The following NFIB variants were observed in gnomAD, a reference collection of about 807,000 sequenced individuals.
NFIB encodes nuclear factor 1 B-type.
Under a neutral mutation model 61.5 loss-of-function variants are expected in NFIB, and 11 were observed. The ratio of observed to expected loss-of-function variants is 0.18; its 90% confidence interval spans 0.11 to 0.30. The LOEUF is 0.30. Ranked by LOEUF, NFIB falls within the 10% of genes least tolerant of loss-of-function variation. NFIB has a pLI of 1.00. For missense variants in NFIB, 471 were observed against 608.9 expected (o/e 0.77, Z 2.38); for synonymous variants, 260 against 216.5 (o/e 1.20, Z -1.76).
At chr9:14,398,438 C>T in intron 1 of NFIB, 4 of 998,444 alleles carry the variant, frequency 4.0e-6, no homozygotes, top group South Asian at 1.7e-5. Flanking sequence ...GCCATATTTT[C>T]TGAACCCCAC....
intron 2 of NFIB, among the ~76,000 whole-genome samples, chr9:14,241,556 A>C (rs2054358379): frequency 6.6e-6 from 1 of 152,124 alleles, no homozygotes; most frequent in African/African-American, 2.4e-5. Context: ...AGCTTGCCAT[A>C]TTTCCTAGAA....
At chr9:14,330,062 G>A (rs1301931508) in intron 1 of NFIB, among the ~76,000 whole-genome samples, 1 of 152,096 alleles carries the variant, frequency 6.6e-6, no homozygotes, top group East Asian at 1.9e-4. Flanking sequence ...TGGAGGCAGA[G>A]GTTGAAGTGA....
At chr9:14,165,026 C>A (rs550085428) in intron 3 of NFIB, among the ~76,000 whole-genome samples, 2 of 152,236 alleles carry the variant, frequency 1.3e-5, no homozygotes, top group Non-Finnish European at 2.9e-5. Flanking sequence ...CTACCCCAGA[C>A]CCTCAGAATC....
chr9:14,158,681 T>A lies in NFIB; in HGVS notation c.617-2788A>T, dbSNP rs1233351693. Among the ~76,000 whole-genome samples, 10 of 152,316 alleles carry A rather than the reference T, an allele frequency of 6.6e-5. 1 individual carries two copies. In the Middle Eastern group the frequency reaches 0.027, roughly 414 times the overall value. ...CATTTTATTACAATGTAGATACAGATGGTTTAAGATTTATGGATAATTATA... is the reference window on the plus strand; with the variant it reads ...CATTTTATTACAATGTAGATACAGAAGGTTTAAGATTTATGGATAATTATA... On this transcript the variant is annotated intron_variant, in intron 3 of 10. Coordinates refer to ENST00000380953, the MANE Select transcript of NFIB (RefSeq NM_001190737.2).
At chr9:14,286,426 G>A (rs1268727974) in intron 2 of NFIB, among the ~76,000 whole-genome samples, 5 of 152,138 alleles carry the variant, frequency 3.3e-5, no homozygotes, top group South Asian at 2.1e-4. Flanking sequence ...TGCTTGTTAT[G>A]TATAACTACC....
chr9:14,195,805 C>T (rs2048404214), intron 2 of NFIB, among the ~76,000 whole-genome samples: 1 of 151,966 alleles, frequency 6.6e-6, no homozygotes, highest in Non-Finnish European at 1.5e-5. Flanking sequence ...CCATGAAAAA[C>T]ACAATGACAT....
At chr9:14,529,294 A>G in the NFIB span, among the ~76,000 whole-genome samples, 1 of 152,198 alleles carries the variant, frequency 6.6e-6, no homozygotes. Context: ...GAAACAGACA[A>G]TAAGTCAGGA....
At chr9:14,212,011 A>C (rs1430708442) in intron 2 of NFIB, among the ~76,000 whole-genome samples, 2 of 152,240 alleles carry the variant, frequency 1.3e-5, no homozygotes, top group Non-Finnish European at 2.9e-5. Flanking sequence ...ATGAAATGGA[A>C]TATGGCCTTA....
At chr9:14,196,074 GA>G (rs1299013170) in intron 2 of NFIB, among the ~76,000 whole-genome samples, 1 of 151,888 alleles carries the variant, frequency 6.6e-6, no homozygotes, top group Non-Finnish European at 1.5e-5. Context: ...CTAAATGAAG[GA>G]TTTTTTTTTT....
intron 2 of NFIB, among the ~76,000 whole-genome samples, chr9:14,284,799 G>C (rs534873236): frequency 6.6e-6 from 1 of 152,282 alleles, no homozygotes; most frequent in African/African-American, 2.4e-5. Flanking sequence ...GGGTGAGTGG[G>C]ATAGGGAAGA....
At chr9:14,449,080 A>T in the NFIB span, among the ~76,000 whole-genome samples, 1 of 152,220 alleles carries the variant, frequency 6.6e-6, no homozygotes, top group African/African-American at 2.4e-5. Flanking sequence ...AATTTGATGC[A>T]ATTTGATGCA....
intron 8 of NFIB, among the ~76,000 whole-genome samples, chr9:14,116,705 G>C (rs1402515626): frequency 6.6e-6 from 1 of 152,244 alleles, no homozygotes; most frequent in Non-Finnish European, 1.5e-5. Flanking sequence ...ACTAGCTACA[G>C]TTGGAACCCA....
intron 6 of NFIB, among the ~76,000 whole-genome samples, chr9:14,138,203 C>T (rs1419779443): frequency 6.6e-6 from 1 of 152,032 alleles, no homozygotes; most frequent in Non-Finnish European, 1.5e-5. Context: ...TAGATATAAA[C>T]TTAGCCAAGC....
the NFIB span, among the ~76,000 whole-genome samples, chr9:14,481,206 T>C: frequency 1.7e-5 from 1 of 58,376 alleles, no homozygotes; most frequent in African/African-American, 6.2e-5. Flanking sequence ...TGTATATATA[T>C]ATATATATAT....
chr9:14,460,904 C>T, the NFIB span, among the ~76,000 whole-genome samples: 1 of 152,022 alleles, frequency 6.6e-6, no homozygotes. Flanking sequence ...CTATCTTGTT[C>T]CATTTATTCC....
the NFIB span, among the ~76,000 whole-genome samples, chr9:14,425,309 T>C: frequency 2.6e-5 from 4 of 152,112 alleles, no homozygotes; most frequent in African/African-American, 9.7e-5. Context: ...CACTAGACCC[T>C]GATCAAGATG....
intron 10 of NFIB, among the ~76,000 whole-genome samples, chr9:14,092,882 A>G (rs1187992196): frequency 6.6e-6 from 1 of 152,078 alleles, no homozygotes; most frequent in Non-Finnish European, 1.5e-5. Flanking sequence ...TGGGCAAAAT[A>G]GTTCATCTTC....
chr9:14,528,513 TAC>T, the NFIB span, among the ~76,000 whole-genome samples: 3 of 152,166 alleles, frequency 2.0e-5, no homozygotes, highest in Non-Finnish European at 4.4e-5. Flanking sequence ...TTTACAAGAC[TAC>T]GAGAATTTCA....
intron 6 of NFIB, among the ~76,000 whole-genome samples, chr9:14,131,690 C>G (rs2040427906): frequency 6.6e-6 from 1 of 152,192 alleles, no homozygotes; most frequent in African/African-American, 2.4e-5. Flanking sequence ...AACTGTTGTT[C>G]ACTTCCAAAG....
Sources: allele counts gnomAD v4.1 joint callset (sites outside exome capture counted in the v4.1 genomes callset), GRCh38; gene constraint gnomAD v4.1.1; transcripts MANE v1.5; gene names NCBI Gene and HGNC (gene_info 2026-07-23, HGNC 2026-07-21).